Variants in SORBS2 observed in about 807,000 individuals in gnomAD.
The protein encoded by SORBS2 is sorbin and SH3 domain containing 2.
A neutral mutation model predicts 97.7 loss-of-function variants in SORBS2; 46 were observed. The observed-to-expected ratio is 0.47, with a 90% CI of 0.37 to 0.60. The LOEUF is 0.60. Ranked by LOEUF, SORBS2 falls within the 20% of genes least tolerant of loss-of-function variation. The probability of loss-of-function intolerance (pLI) is 0.00; values close to 1 mark genes in which losing one functional copy is unlikely to be tolerated. For synonymous variants in SORBS2, 476 were observed against 473.4 expected (o/e 1.01, Z -0.07); for missense variants, 1,316 against 1,282.3 (o/e 1.03, Z -0.40).
chr4:185,696,637 T>C (rs1344102324), intron 2 of SORBS2, among the ~76,000 whole-genome samples: 1 of 152,108 alleles, frequency 6.6e-6, no homozygotes, highest in East Asian at 1.9e-4. Flanking sequence ...AGACAGGGTT[T>C]CACCATGTTG....
intron 4 of SORBS2, 85 bp downstream of exon 16, chr4:185,635,270 G>A (rs1286147820): frequency 1.0e-6 from 1 of 987,352 alleles, no homozygotes; most frequent in Admixed American, 2.1e-5. Context: ...AGACATTACA[G>A]AGAATTGTAA....
chr4:185,868,147 C>CTTTTTTCTTTTTTT (rs1554043746), intron 1 of SORBS2, among the ~76,000 whole-genome samples: 3 of 89,766 alleles, frequency 3.3e-5, no homozygotes, highest in Non-Finnish European at 6.6e-5. Context: ...CTTTTCTTTT[C>CTTTTTTCTTTTTTT]TTTTTTTCTT....
At chr4:185,747,863 C>T (rs1276322062) in intron 2 of SORBS2, among the ~76,000 whole-genome samples, 6 of 152,008 alleles carry the variant, frequency 3.9e-5, no homozygotes, top group Non-Finnish European at 7.4e-5. Context: ...CGGTGGAGGG[C>T]GCCGGTAATC....
At chr4:185,616,838 T>A (rs943184859) in intron 9 of SORBS2, among the ~76,000 whole-genome samples, 7 of 152,200 alleles carry the variant, frequency 4.6e-5, no homozygotes, top group African/African-American at 1.7e-4. Context: ...AACCTTCACC[T>A]CCCAGGTTCA....
chr4:185,937,934 TAGC>T (rs1322856686), intron 1 of SORBS2, among the ~76,000 whole-genome samples: 1 of 151,924 alleles, frequency 6.6e-6, no homozygotes, highest in Non-Finnish European at 1.5e-5. Context: ...TCTTTGGAAA[TAGC>T]AGCTCACACC....
intron 1 of SORBS2, among the ~76,000 whole-genome samples, chr4:185,843,470 T>C (rs2099212828): frequency 6.6e-6 from 1 of 152,132 alleles, no homozygotes; most frequent in Non-Finnish European, 1.5e-5. Context: ...GCAAACAAGC[T>C]ACTAGAATTA....
Position 185,819,261 on chromosome 4 carries a change from C to A in SORBS2, c.-337-43895G>T, listed in dbSNP as rs537541013. Among the ~76,000 whole-genome samples, 3 of 152,344 alleles carry A rather than the reference C, an allele frequency of 2.0e-5. No homozygotes were observed. In the East Asian group the frequency reaches 5.8e-4, roughly 29 times the overall value. On this transcript the variant is annotated intron_variant, in intron 1 of 20. Coordinates refer to the SORBS2 transcript ENST00000284776. ...AGGACTCTAGCTCCTACCCTCTGTT[C>A]TGTCATCTTTTGAAACTGGTTTCTA...
intron 4 of SORBS2, among the ~76,000 whole-genome samples, chr4:185,662,817 A>G (rs1396425674): frequency 6.6e-6 from 1 of 152,248 alleles, no homozygotes; most frequent in Non-Finnish European, 1.5e-5. Context: ...TCAGAGAGAC[A>G]TGTTCAACCA....
intron 1 of SORBS2, among the ~76,000 whole-genome samples, chr4:185,877,883 A>AAAAAAAAAAAAAAGAAAG (rs1344109012): frequency 1.4e-5 from 2 of 145,180 alleles, no homozygotes; most frequent in African/African-American, 5.1e-5. Flanking sequence ...ACAAAAAAAA[A>AAAAAAAAAAAAAAGAAAG]AAAGAAAGAA....
At chr4:185,785,958 A>G (rs555361868) in intron 1 of SORBS2, among the ~76,000 whole-genome samples, 1 of 152,224 alleles carries the variant, frequency 6.6e-6, no homozygotes, top group Non-Finnish European at 1.5e-5. Flanking sequence ...CACACCTGGC[A>G]CACTGGAATC....
upstream of SORBS2, chr4:185,657,083 T>C: frequency 2.7e-6 from 1 of 370,292 alleles, no homozygotes; most frequent in East Asian, 1.0e-4. Context: ...TCCATTGTCT[T>C]GTTCCTTCTC....
intron 1 of SORBS2, among the ~76,000 whole-genome samples, chr4:185,947,435 C>T (rs937794243): frequency 3.9e-5 from 6 of 152,110 alleles, no homozygotes; most frequent in Admixed American, 1.3e-4. Flanking sequence ...TAGCCCAAAC[C>T]ATCTCCTACA....
At chr4:185,720,953 C>T (rs1335414677) in intron 2 of SORBS2, among the ~76,000 whole-genome samples, 1 of 152,108 alleles carries the variant, frequency 6.6e-6, no homozygotes, top group African/African-American at 2.4e-5. Flanking sequence ...AATCTTCTCA[C>T]CCTTGCATTG....
intron 1 of SORBS2, among the ~76,000 whole-genome samples, chr4:185,923,992 C>G (rs2099262289): frequency 6.6e-6 from 1 of 152,178 alleles, no homozygotes; most frequent in Non-Finnish European, 1.5e-5. Context: ...AGAATGGAAG[C>G]AGCATGAAAG....
chr4:185,955,892 A>G (rs2099279308), intron 1 of SORBS2, among the ~76,000 whole-genome samples: 1 of 152,026 alleles, frequency 6.6e-6, no homozygotes, highest in South Asian at 2.1e-4. Context: ...CTTAGTTATA[A>G]AGGTAGCAGA....
chr4:185,903,716 T>C (rs905092434), intron 1 of SORBS2, among the ~76,000 whole-genome samples: 2 of 152,232 alleles, frequency 1.3e-5, no homozygotes, highest in African/African-American at 2.4e-5. Context: ...GAATGGCCTA[T>C]GTGGGTAGCT....
intron 12 of SORBS2, among the ~76,000 whole-genome samples, chr4:185,603,275 T>G (rs1311992722): frequency 6.6e-6 from 1 of 152,124 alleles, no homozygotes; most frequent in Admixed American, 6.5e-5. Flanking sequence ...AATAAATACC[T>G]TGGCCTTAAA....
chr4:185,661,505 G>A (rs539800541), upstream of SORBS2, among the ~76,000 whole-genome samples: 35 of 152,246 alleles, frequency 2.3e-4, no homozygotes, highest in African/African-American at 7.7e-4. Context: ...TCCTCAGAGG[G>A]TTGAGAACGA....
chr4:185,923,642 C>T (rs1229008368), intron 1 of SORBS2, among the ~76,000 whole-genome samples: 6 of 151,802 alleles, frequency 4.0e-5, no homozygotes, highest in Middle Eastern at 3.2e-3. Flanking sequence ...TGAAACTCCA[C>T]TTGCAATCTG....
Sources: allele counts gnomAD v4.1 joint callset (sites outside exome capture counted in the v4.1 genomes callset), GRCh38; gene constraint gnomAD v4.1.1; transcripts MANE v1.5; gene names NCBI Gene and HGNC (gene_info 2026-07-23, HGNC 2026-07-21).